Variants in FBXO9 observed in about 807,000 individuals in gnomAD.
FBXO9 encodes F-box only protein 9.
FBXO9 carries 43 observed loss-of-function variants against 63.7 expected under a neutral mutation model. The ratio of observed to expected loss-of-function variants is 0.67; its 90% CI spans 0.53 to 0.87. The LOEUF is 0.87. Among genes scored for constraint, FBXO9 ranks in the 40% least tolerant of loss-of-function variants. The pLI is 0.00. For missense variants in FBXO9, 442 were observed against 533.2 expected (o/e 0.83, Z 1.68); for synonymous variants, 156 against 171.7 (o/e 0.91, Z 0.72).
rs1350400225 is a variant in FBXO9, at chr6:53,099,901, A to G, written c.*2071A>G. ...CAAATAAATAGAACATGATTAGGAC[A>G]TAGTCAAATATAGCTAGAAAAATAT... On this transcript the variant is annotated 3_prime_UTR_variant, in exon 13 of 13. Coordinates refer to ENST00000323557, the MANE Select transcript of FBXO9 (RefSeq NM_033480.3). 2 of 152,234 alleles carry G rather than the reference A, an allele frequency of 1.3e-5. No homozygotes were observed. The highest frequency in any genetic ancestry group is 1.3e-4 in the Admixed American group (2 of 15,282). The allele number at this position is 152,234 out of a possible 1,614,324, so 9.4% of individuals were successfully genotyped here. A position where few individuals can be genotyped will look rare whatever the true frequency, so the allele number is the denominator to read the frequency against.
chr6:53,092,557 A>G lies in FBXO9; in HGVS notation c.772+10A>G. 6.2e-7 allele frequency: 1 copy of G among 1,601,936 alleles called. No homozygotes were observed. The highest frequency in any genetic ancestry group is 8.6e-7 in the Non-Finnish European group (1 of 1,169,048). On this transcript the variant is annotated intron_variant, in intron 8 of 12. Coordinates refer to ENST00000323557, the MANE Select transcript of FBXO9 (RefSeq NM_033480.3). Reference sequence around the variant, plus strand: ...CGTGTTCGGTTTGATGGTAAGTTGGATTCTGTAGAACTCAGCAGAAATACT... The same window carrying G: ...CGTGTTCGGTTTGATGGTAAGTTGGGTTCTGTAGAACTCAGCAGAAATACT...
chr6:53,082,454 C>G, intron 6 of FBXO9, 50 bp from the exon 7 acceptor site: 1 of 1,234,042 alleles, frequency 8.1e-7, no homozygotes, highest in Non-Finnish European at 1.2e-6. Flanking sequence ...GTAGTTGTGA[C>G]AATAGAATGA....
intron 4 of FBXO9, among the ~76,000 whole-genome samples, 197 bp downstream of exon 4, chr6:53,076,740 G>A (rs554376689): frequency 1.7e-4 from 26 of 151,602 alleles, no homozygotes; most frequent in African/African-American, 6.0e-4. Context: ...TATGAATGGT[G>A]TAATATTTAC....
intron 10 of FBXO9, 96 bp downstream of exon 10, chr6:53,093,657 G>A (rs1307141066): frequency 6.2e-6 from 6 of 966,972 alleles, no homozygotes; most frequent in Non-Finnish European, 9.3e-6. Context: ...ACTTAATACT[G>A]GATGATTTTA....
chr6:53,075,733 A>ACT (rs1562065220), intron 3 of FBXO9, among the ~76,000 whole-genome samples: 1 of 51,390 alleles, frequency 1.9e-5, no homozygotes, highest in African/African-American at 8.2e-5. Context: ...ATATATATAT[A>ACT]ATTATTTTTT....
rs745497875 is a variant in FBXO9 at position 53,095,588 on chromosome 6, C to T, written c.1129C>T (p.Leu377=). Residue 377 remains leucine, a synonymous_variant, in exon 12 of 13, where the codon CTA becomes TTA. Coordinates refer to ENST00000323557, the MANE Select transcript of FBXO9 (RefSeq NM_033480.3). ...QEADQSFHVG[L]QLCSSGHQRF... ...AGCAGATCAGAGTTTTCATGTGGGG[C>T]TACAGCTATGTTCCAGTGGTCACCA... is the stretch of plus-strand genomic sequence containing the variant. 6.2e-7 allele frequency: 1 copy of T among 1,613,510 alleles called. No homozygotes were observed. The highest frequency in any genetic ancestry group is 2.2e-5 in the East Asian group (1 of 44,862).
intron 7 of FBXO9, among the ~76,000 whole-genome samples, chr6:53,084,043 T>C (rs1769395980): frequency 6.6e-6 from 1 of 152,226 alleles, no homozygotes; most frequent in Admixed American, 6.5e-5. Context: ...TAAGTTTGAT[T>C]TTTGTCTATT....
intron 3 of FBXO9, among the ~76,000 whole-genome samples, chr6:53,075,745 T>A (rs1769083884): frequency 8.7e-6 from 1 of 115,602 alleles, no homozygotes; most frequent in Admixed American, 8.6e-5. Flanking sequence ...TTATTTTTTT[T>A]TTTTTTTTTT....
intron 1 of FBXO9, 157 bp downstream of exon 1, chr6:53,065,949 C>A (rs1768679578): frequency 8.7e-7 from 1 of 1,149,080 alleles, no homozygotes; most frequent in Non-Finnish European, 1.1e-6. Flanking sequence ...AGAAGGAGTG[C>A]GTCGGGGGGC....
chr6:53,065,816 G>A (rs371432071), intron 1 of FBXO9, 24 bp downstream of exon 1: 15 of 1,337,850 alleles, frequency 1.1e-5, no homozygotes, highest in South Asian at 1.1e-4. Flanking sequence ...GGGGCTCGAG[G>A]GTGGACGCCG....
intron 1 of FBXO9, among the ~76,000 whole-genome samples, chr6:53,070,017 CTTT>C (rs1032693222): frequency 1.5e-3 from 160 of 109,338 alleles, no homozygotes; most frequent in African/African-American, 5.3e-3. Context: ...TTCTTTTTTC[CTTT>C]TTTTTTTTTT....
Position 53,078,886 on chromosome 6 carries a change from T to G in FBXO9, c.395T>G (p.Val132Gly). 6.2e-7 allele frequency: 1 copy of G among 1,613,108 alleles called. No homozygotes were observed. Among genetic ancestry groups the G allele is most frequent in the Admixed American group, 1.7e-5 (1 of 60,020 alleles). The change falls in exon 5 of 13, where the codon GTT becomes GGT. Residue 132 changes from valine (V) to glycine (G), a missense_variant. Transcript: ENST00000323557. ...ACCCGGTCTCCAGATGGTGATGGCG[T>G]TGGAAACAGCTAGTGCGTATATAAT... is the stretch of plus-strand genomic sequence containing the variant. ...TYTRSPDGDG[V>G]GNSYIEDNDD...
chr6:53,072,327 T>C (rs1030560558), intron 2 of FBXO9, among the ~76,000 whole-genome samples: 1 of 151,648 alleles, frequency 6.6e-6, no homozygotes, highest in Non-Finnish European at 1.5e-5. Context: ...GCAGACTAGG[T>C]GAAGATTGCT....
rs1763264862 is a variant in FBXO9, at chr6:53,097,965, T to TATATAG, written c.*140_*141insGATATA. ...ATATATATATATATATATATATATA[T>TATATAG]ATATATATATGGAATTGGAACTTAT... On this transcript the variant is annotated 3_prime_UTR_variant, in exon 13 of 13. Transcript: ENST00000323557. The TATATAG allele has an allele frequency of 7.1e-6, 1 of 141,334 alleles. No individual in the cohort carries two copies. The highest frequency in any genetic ancestry group is 2.8e-5 in the African/African-American group (1 of 36,112). The allele number at this position is 141,334 out of a possible 1,614,324, so 8.8% of individuals were successfully genotyped here. A position where few individuals can be genotyped will look rare whatever the true frequency, so the allele number is the denominator to read the frequency against.
intron 12 of FBXO9, among the ~76,000 whole-genome samples, chr6:53,096,101 G>T (rs570400489): frequency 6.6e-6 from 1 of 152,134 alleles, no homozygotes; most frequent in African/African-American, 2.4e-5. Flanking sequence ...TTGTAGTTAG[G>T]AAAGTAAGTC....
chr6:53,080,087 G>C, intron 5 of FBXO9, among the ~76,000 whole-genome samples: 1 of 147,226 alleles, frequency 6.8e-6, no homozygotes, highest in East Asian at 2.2e-4. Context: ...AAATATTAAA[G>C]AGGCATTTCT....
Position 53,065,713 on chromosome 6 carries a change from C to T in FBXO9, c.-77C>T, listed in dbSNP as rs1247591747. ...ACAGGCAGGAGTAGACACCCGGACA[C>T]CCAGCACCCCTCCTCCGGGGGGCGG... On this transcript the variant is annotated 5_prime_UTR_variant, in exon 1 of 13. Transcript: ENST00000323557. The T allele has an allele frequency of 7.0e-7, 1 of 1,424,598 alleles. No homozygotes were observed. The highest frequency in any genetic ancestry group is 9.2e-7 in the Non-Finnish European group (1 of 1,087,408). 88.2% of individuals were successfully genotyped at this position (1,424,598 alleles called of 1,614,324 possible). A position where few individuals can be genotyped will look rare whatever the true frequency, so the allele number is the denominator to read the frequency against.
intron 5 of FBXO9, among the ~76,000 whole-genome samples, chr6:53,080,166 A>C (rs1395772461): frequency 6.6e-6 from 1 of 151,764 alleles, no homozygotes; most frequent in Non-Finnish European, 1.5e-5. Context: ...TTTTTTTTTT[A>C]AATAAGATCT....
At chr6:53,070,017 CTTTTTTTTTTTTT>C (rs1032693222) in intron 1 of FBXO9, among the ~76,000 whole-genome samples, 1,290 of 109,390 alleles carry the variant, frequency 0.012, 24 homozygotes, top group African/African-American at 0.04. Context: ...TTCTTTTTTC[CTTTTTTTTTTTTT>C]TTTTTTTTTT....
Sources: allele counts gnomAD v4.1 joint callset (sites outside exome capture counted in the v4.1 genomes callset), GRCh38; gene constraint gnomAD v4.1.1; transcripts MANE v1.5; gene names NCBI Gene and HGNC (gene_info 2026-07-23, HGNC 2026-07-21).